Variants in CRLF2 observed in about 807,000 individuals in gnomAD.
CRLF2 encodes cytokine receptor-like factor 2.
Under a neutral mutation model 38.7 loss-of-function variants are expected in CRLF2, and 41 were observed. The observed-to-expected ratio is 1.06, with a 90% confidence interval of 0.83 to 1.37. The LOEUF (loss-of-function observed/expected upper bound fraction) is 1.37, where lower values mean the gene tolerates loss of function less well. Among genes scored for constraint, CRLF2 ranks in the 40% most tolerant of loss-of-function variants. CRLF2 has a pLI of 0.00. For missense variants in CRLF2, 377 were observed against 322.2 expected, an observed-to-expected ratio of 1.17 and a Z score of -1.30; for synonymous variants, 140 against 128.8, an observed-to-expected ratio of 1.09 and a Z score of -0.59.
At chrX:1,200,010 C>G (rs1290566723) in intron 4 of CRLF2, among the ~76,000 whole-genome samples, 1 of 148,128 alleles carries the variant, frequency 6.8e-6, no homozygotes, top group Non-Finnish European at 1.5e-5. Flanking sequence ...TGTATATAAG[C>G]TGTGTATATA....
At chrX:1,200,537 T>C (rs1299795994) in intron 4 of CRLF2, among the ~76,000 whole-genome samples, 1 of 149,912 alleles carries the variant, frequency 6.7e-6, no homozygotes, top group Admixed American at 6.7e-5. Context: ...ATAAGCTGTG[T>C]ATATATGTGT....
rs199800966 is a variant in CRLF2 at position 1,198,732 on chromosome X, AACAT to A, written c.484-12_484-9del. Reference sequence around the variant, plus strand: ...GGTATTTTCCTGTTTGGACTGGAGAAACATACACACACACACACACACACACACA... The same window carrying A: ...GGTATTTTCCTGTTTGGACTGGAGAAACACACACACACACACACACACACA... On this transcript the variant is annotated splice_polypyrimidine_tract_variant and intron_variant, in intron 4 of 7. Coordinates refer to ENST00000400841, the MANE Select transcript of CRLF2 (RefSeq NM_022148.4). 1.1e-6 allele frequency: 1 copy of A among 873,628 alleles called. No individual in the cohort carries two copies. The highest frequency in any genetic ancestry group is 1.7e-6 in the Non-Finnish European group (1 of 583,998). The allele number at this position is 873,628 out of a possible 1,614,324, so 54.1% of individuals were successfully genotyped here.
At chrX:1,194,815 TGAG>T (rs1261826230) in intron 6 of CRLF2, among the ~76,000 whole-genome samples, 1 of 152,032 alleles carries the variant, frequency 6.6e-6, no homozygotes, top group Non-Finnish European at 1.5e-5. Flanking sequence ...ACGGATCTCC[TGAG>T]GTCAGGAGTT....
intron 7 of CRLF2, among the ~76,000 whole-genome samples, chrX:1,192,268 G>C (rs2086398499): frequency 6.6e-6 from 1 of 150,758 alleles, no homozygotes; most frequent in Non-Finnish European, 1.5e-5. Flanking sequence ...AGTTGGACAT[G>C]CTTCTTTATA....
chrX:1,203,095 CAAAAAAAAAAAAAAAAA>C (rs782280523), intron 3 of CRLF2, among the ~76,000 whole-genome samples: 8 of 66,944 alleles, frequency 1.2e-4, no homozygotes, highest in Non-Finnish European at 2.1e-4. Flanking sequence ...GAGACTATCT[CAAAAAAAAAAAAAAAAA>C]AAAAAAAAAG....
intron 4 of CRLF2, among the ~76,000 whole-genome samples, chrX:1,201,619 CAG>C (rs2086610057): frequency 8.4e-6 from 1 of 118,954 alleles, no homozygotes. Context: ...GATACATAGA[CAG>C]ATGATAGAGA....
intron 2 of CRLF2, among the ~76,000 whole-genome samples, chrX:1,207,667 G>A (rs2086717067): frequency 6.8e-6 from 1 of 147,134 alleles, no homozygotes; most frequent in Admixed American, 6.8e-5. Flanking sequence ...GTTTTGTTTT[G>A]TTTTGTTTTT....
In CRLF2 at chrX:1,196,470, A is replaced by C. The variant is rs1204161568; in HGVS notation, c.767+310T>G. On this transcript the variant is annotated intron_variant, in intron 6 of 7. Transcript: ENST00000400841. The stretch of plus-strand genomic sequence containing the variant: ...CAAAATACTGGGATTACAGGCGTGA[A>C]CCACCGTGCCTGACCCTAATTTTTG... 2.0e-5 allele frequency among the ~76,000 whole-genome samples: 3 copies of C among 151,582 alleles called. No homozygotes were observed. In the Admixed American group the frequency reaches 2.0e-4, roughly 10 times the overall value.
chrX:1,196,187 A>AT (rs753943213), intron 6 of CRLF2, among the ~76,000 whole-genome samples: 50 of 119,440 alleles, frequency 4.2e-4, no homozygotes, highest in Admixed American at 7.5e-4. Flanking sequence ...GGCAGGGCTA[A>AT]TTTTTTTTTT....
chrX:1,210,111 AAAAAGAAAAGAAAAGAAAAG>A (rs775032742), intron 1 of CRLF2, among the ~76,000 whole-genome samples: 1 of 107,848 alleles, frequency 9.3e-6, no homozygotes, highest in Non-Finnish European at 1.8e-5. Context: ...ATCAAAAAAA[AAAAAGAAAAGAAAAGAAAAG>A]AAAAGAAAAG....
At chrX:1,209,036 C>T (rs2086741248) in intron 1 of CRLF2, 128 bp from the exon 2 acceptor site, 3 of 595,396 alleles carry the variant, frequency 5.0e-6, no homozygotes, top group Admixed American at 3.1e-5. Context: ...GGCACGATCT[C>T]GGCTCACTGC....
chrX:1,208,998 C>T (rs1409544120), intron 1 of CRLF2, 90 bp from the exon 2 acceptor site: 1 of 788,806 alleles, frequency 1.3e-6, no homozygotes, highest in African/African-American at 1.7e-5. Flanking sequence ...GACAGAGTCT[C>T]ACTCTGTTGC....
intron 6 of CRLF2, among the ~76,000 whole-genome samples, chrX:1,196,332 T>C (rs1483737158): frequency 6.6e-6 from 1 of 150,770 alleles, no homozygotes; most frequent in East Asian, 2.0e-4. Context: ...GGATTACAGG[T>C]GCACGCCACC....
chrX:1,196,754 C>A (rs1485633804), intron 6 of CRLF2, 26 bp downstream of exon 6: 1 of 1,610,968 alleles, frequency 6.2e-7, no homozygotes, highest in Non-Finnish European at 8.5e-7. Context: ...GTCCCTCCAC[C>A]CACGGGCGGC....
chrX:1,194,222 G>A (rs1334084977), intron 6 of CRLF2, among the ~76,000 whole-genome samples: 8,055 of 151,166 alleles, frequency 0.053, 308 homozygotes, highest in Middle Eastern at 0.2. Flanking sequence ...CCTGGGAGGC[G>A]GAGACTGCAG....
intron 1 of CRLF2, among the ~76,000 whole-genome samples, chrX:1,211,210 T>C (rs1349559424): frequency 3.3e-5 from 5 of 150,870 alleles, no homozygotes; most frequent in Admixed American, 3.3e-4. Flanking sequence ...CATGGATAGA[T>C]GGATACGTAG....
chrX:1,190,598 G>T lies in CRLF2; in HGVS notation c.*299C>A. ...AAGATGGTTTTACAGCATTTTGGAC[G>T]TGCTGCCTTGGGGTTTATGTGACAA... On this transcript the variant is annotated 3_prime_UTR_variant, in exon 8 of 8. Transcript: ENST00000400841. 5.5e-6 allele frequency: 2 copies of T among 365,322 alleles called. No homozygotes were observed. The highest frequency in any genetic ancestry group is 1.4e-3 in the Middle Eastern group (2 of 1,432). The allele number at this position is 365,322 out of a possible 1,614,324, so 22.6% of individuals were successfully genotyped here.
At chrX:1,191,295 CTCTTTCTTTCTTTCTT>C (rs1237998931) in intron 7 of CRLF2, 135 bp from the exon 8 acceptor site, 18 of 331,124 alleles carry the variant, frequency 5.4e-5, no homozygotes, top group African/African-American at 8.6e-5. Flanking sequence ...CTTTTCTTTT[CTCTTTCTTTCTTTCTT>C]TCTTTCTTTC....
At chrX:1,194,352 C>T (rs1302374347) in intron 6 of CRLF2, among the ~76,000 whole-genome samples, 1 of 151,848 alleles carries the variant, frequency 6.6e-6, no homozygotes, top group Admixed American at 6.6e-5. Flanking sequence ...GTCCCAGCTG[C>T]TTGGGAGGCT....
Sources: gnomAD v4.1 joint callset for allele counts (sites outside exome capture counted in the v4.1 genomes callset) on GRCh38, gnomAD v4.1.1 for gene constraint, MANE v1.5 for transcripts, NCBI Gene and HGNC (gene_info 2026-07-23, HGNC 2026-07-21) for gene names.